RBM47: variants seen among roughly 807,000 people sequenced by gnomAD.
RBM47 encodes RNA binding motif protein 47.
A neutral mutation model predicts 47.1 loss-of-function variants in RBM47; 21 were observed. The ratio of observed to expected loss-of-function variants is 0.45; its 90% confidence interval spans 0.32 to 0.64. The LOEUF (loss-of-function observed/expected upper bound fraction) is 0.64, where lower values mean the gene tolerates loss of function less well. Ranked by LOEUF, RBM47 falls within the 30% of genes least tolerant of loss-of-function variation. The pLI is 0.05. For missense variants in RBM47, 708 were observed against 870.9 expected, an observed-to-expected ratio of 0.81 and a Z score of 2.35; for synonymous variants, 375 against 361.7, an observed-to-expected ratio of 1.04 and a Z score of -0.42.
intron 6 of RBM47, among the ~76,000 whole-genome samples, chr4:40,431,619 C>G (rs561766262): frequency 2.0e-5 from 3 of 148,466 alleles, no homozygotes; most frequent in African/African-American, 7.5e-5. Flanking sequence ...GATGGCGCCA[C>G]TGCGCTCCAG....
chr4:40,535,936 G>A (rs1032709382), intron 2 of RBM47, among the ~76,000 whole-genome samples: 1 of 152,010 alleles, frequency 6.6e-6, no homozygotes, highest in African/African-American at 2.4e-5. Context: ...CCTGACCTCA[G>A]GTGATCCACC....
chr4:40,542,415 C>A (rs1728639326), intron 2 of RBM47: 1 of 152,322 alleles, frequency 6.6e-6, no homozygotes, highest in Admixed American at 6.5e-5. Context: ...CTCTGCCTAT[C>A]CTCCAGGTCT....
chr4:40,506,916 CT>C (rs1297545309), intron 2 of RBM47, among the ~76,000 whole-genome samples: 2 of 151,988 alleles, frequency 1.3e-5, no homozygotes, highest in Non-Finnish European at 2.9e-5. Context: ...AGGCGAATCA[CT>C]TGAGGTCAAA....
chr4:40,571,332 A>G (rs1040465809), intron 1 of RBM47, among the ~76,000 whole-genome samples: 1 of 152,120 alleles, frequency 6.6e-6, no homozygotes, highest in Non-Finnish European at 1.5e-5. Context: ...AGTAAATGAT[A>G]AAAGAGGTGT....
chr4:40,604,490 G>C (rs943932522), intron 1 of RBM47, among the ~76,000 whole-genome samples: 2 of 152,170 alleles, frequency 1.3e-5, no homozygotes, highest in African/African-American at 4.8e-5. Context: ...AGCCAGGCAT[G>C]GTGGTACCTG....
chr4:40,447,520 T>C (rs542349149), intron 3 of RBM47, among the ~76,000 whole-genome samples: 1 of 152,314 alleles, frequency 6.6e-6, no homozygotes, highest in South Asian at 2.1e-4. Flanking sequence ...CTGGGAAATA[T>C]TATCAATGTT....
At chr4:40,580,342 G>A (rs908037213) in intron 1 of RBM47, among the ~76,000 whole-genome samples, 6 of 151,752 alleles carry the variant, frequency 4.0e-5, no homozygotes, top group African/African-American at 1.5e-4. Flanking sequence ...TAATCAAACT[G>A]AACAACAAAA....
intron 1 of RBM47, among the ~76,000 whole-genome samples, chr4:40,554,946 T>G (rs905899344): frequency 6.6e-6 from 1 of 152,004 alleles, no homozygotes; most frequent in Non-Finnish European, 1.5e-5. Flanking sequence ...TTTTTTGTTT[T>G]GTTTTTGAGA....
chr4:40,439,757 G>A (rs537521345), intron 3 of RBM47, among the ~76,000 whole-genome samples: 1 of 152,272 alleles, frequency 6.6e-6, no homozygotes, highest in African/African-American at 2.4e-5. Context: ...TGGTCATGGG[G>A]AAATAGGCTT....
rs756029913 is a variant in RBM47 at position 40,426,000 on chromosome 4, C to G, written c.1686G>C (p.Ala562=). 9.3e-6 allele frequency: 15 copies of G among 1,613,958 alleles called. No homozygotes were observed. In the East Asian group the frequency reaches 3.3e-4, roughly 36 times the overall value. ...CTGCGTATCCTCCATACATGGCGGCCGCGGCTGCCGCGTTCTTCTGTAGTG... is the reference window on the plus strand; with the variant it reads ...CTGCGTATCCTCCATACATGGCGGCGGCGGCTGCCGCGTTCTTCTGTAGTG... ...IATLQKNAAA[A]AAMYGGYAGY... The change falls in exon 7 of 7, where the codon GCG becomes GCC. Residue 562 remains alanine (A), a synonymous_variant. Coordinates refer to ENST00000295971, the MANE Select transcript of RBM47 (RefSeq NM_001098634.2).
chr4:40,547,563 T>A (rs963612760), intron 1 of RBM47, among the ~76,000 whole-genome samples: 1 of 152,158 alleles, frequency 6.6e-6, no homozygotes, highest in South Asian at 2.1e-4. Flanking sequence ...TGGTATTTTG[T>A]TATGGCAGCC....
At chr4:40,558,253 A>G (rs1730280272) in intron 1 of RBM47, among the ~76,000 whole-genome samples, 1 of 152,208 alleles carries the variant, frequency 6.6e-6, no homozygotes, top group Non-Finnish European at 1.5e-5. Flanking sequence ...ACACAGGCTC[A>G]GAAATCATTT....
At chr4:40,575,482 G>A (rs1732196713) in intron 1 of RBM47, among the ~76,000 whole-genome samples, 1 of 149,268 alleles carries the variant, frequency 6.7e-6, no homozygotes, top group East Asian at 2.0e-4. Flanking sequence ...AACCTGGGAG[G>A]CAGCGGTTGC....
intron 2 of RBM47, among the ~76,000 whole-genome samples, chr4:40,541,073 G>A (rs969874151): frequency 3.0e-4 from 45 of 151,906 alleles, no homozygotes; most frequent in African/African-American, 1.1e-3. Flanking sequence ...CGGATCGCTT[G>A]AGCCCAGGAG....
intron 3 of RBM47, among the ~76,000 whole-genome samples, chr4:40,448,739 G>A (rs13149488): frequency 0.41 from 61,847 of 151,980 alleles, 15,121 homozygotes; most frequent in South Asian, 0.65. Context: ...GGCAATGTGT[G>A]GCACACAATT....
chr4:40,559,075 T>A (rs1264325760), intron 1 of RBM47, among the ~76,000 whole-genome samples: 2 of 152,208 alleles, frequency 1.3e-5, no homozygotes, highest in Non-Finnish European at 2.9e-5. Flanking sequence ...ATCCAGCCTT[T>A]ATTTTATCCC....
At chr4:40,431,455 G>C (rs1470372642) in intron 6 of RBM47, among the ~76,000 whole-genome samples, 1 of 152,088 alleles carries the variant, frequency 6.6e-6, no homozygotes, top group Non-Finnish European at 1.5e-5. Context: ...TCAGGAGATT[G>C]AGACTATCCT....
intron 2 of RBM47, among the ~76,000 whole-genome samples, chr4:40,529,558 G>C (rs111244285): frequency 0.15 from 21,935 of 142,264 alleles, 1,884 homozygotes; most frequent in Middle Eastern, 0.27. Context: ...CTAAGGCGGG[G>C]CATGGTGGCT....
chr4:40,564,512 A>G (rs1008307275), intron 1 of RBM47, among the ~76,000 whole-genome samples: 11 of 152,240 alleles, frequency 7.2e-5, no homozygotes, highest in African/African-American at 2.4e-4. Flanking sequence ...CACCTAGCCT[A>G]TCCTAAGGAA....
Sources: allele counts gnomAD v4.1 joint callset (sites outside exome capture counted in the v4.1 genomes callset), GRCh38; gene constraint gnomAD v4.1.1; transcripts MANE v1.5; gene names NCBI Gene and HGNC (gene_info 2026-07-23, HGNC 2026-07-21).